The following PTPRD variants were observed in gnomAD, a reference collection of about 807,000 sequenced individuals.
PTPRD encodes receptor-type tyrosine-protein phosphatase delta.
Under a neutral mutation model 214.5 loss-of-function variants are expected in PTPRD, and 34 were observed. That is an observed-to-expected ratio of 0.16 (90% CI 0.12 to 0.21). The LOEUF (loss-of-function observed/expected upper bound fraction) is 0.21, where lower values mean the gene tolerates loss of function less well. PTPRD is among the 10% of genes least tolerant of loss of function. The probability of loss-of-function intolerance (pLI) is 1.00; values close to 1 mark genes in which losing one functional copy is unlikely to be tolerated. For missense variants in PTPRD, 2,545 were observed against 2,398.7 expected (o/e 1.06, Z -1.27); for synonymous variants, 1,128 against 845.7 (o/e 1.33, Z -5.79).
At chr9:10,106,013 C>CAAAAAAA (rs35421883) in intron 3 of PTPRD, among the ~76,000 whole-genome samples, 5 of 56,658 alleles carry the variant, frequency 8.8e-5, no homozygotes, top group Non-Finnish European at 6.7e-5. Context: ...ATCACATATT[C>CAAAAAAA]AAAAAAAAAA....
intron 3 of PTPRD, among the ~76,000 whole-genome samples, chr9:10,057,495 A>T (rs2097676286): frequency 7.5e-6 from 1 of 133,688 alleles, no homozygotes; most frequent in Admixed American, 7.5e-5. Context: ...AGGACATTAA[A>T]GAAGAAAAAA....
intron 2 of PTPRD, among the ~76,000 whole-genome samples, chr9:10,586,505 T>C (rs1183940674): frequency 1.3e-5 from 2 of 152,110 alleles, no homozygotes; most frequent in Non-Finnish European, 2.9e-5. Flanking sequence ...GGAAATTCTC[T>C]ATATAGTACC....
At chr9:9,298,804 A>G (rs1954120483) in intron 9 of PTPRD, among the ~76,000 whole-genome samples, 1 of 151,814 alleles carries the variant, frequency 6.6e-6, no homozygotes, top group Non-Finnish European at 1.5e-5. Flanking sequence ...TTAGCTGTTC[A>G]ATAGAAGTTC....
At chr9:9,672,553 T>G (rs933886502) in intron 7 of PTPRD, among the ~76,000 whole-genome samples, 12 of 152,248 alleles carry the variant, frequency 7.9e-5, no homozygotes, top group Admixed American at 5.9e-4. Flanking sequence ...AGAGATGGAA[T>G]TCCCAACCAA....
chr9:10,023,255 T>G (rs2096857674), intron 4 of PTPRD, among the ~76,000 whole-genome samples: 1 of 152,158 alleles, frequency 6.6e-6, no homozygotes, highest in Admixed American at 6.6e-5. Context: ...TCATTATAAA[T>G]TAACAGACAA....
rs781194338 is a variant in PTPRD, at chr9:8,990,304, C to T, written c.-104+28393G>A. 1.1e-4 allele frequency among the ~76,000 whole-genome samples: 17 copies of T among 152,228 alleles called. 1 individual carries two copies. Among genetic ancestry groups the T allele is most frequent in the African/African-American group, 1.2e-4 (5 of 41,540 alleles). On this transcript the variant is annotated intron_variant, in intron 11 of 45. Transcript: ENST00000381196. ...TTGTTAAATGATTCTGCATCAGTTACGTGGAATATGGTGAGATATAATCCA... is the reference window on the plus strand; with the variant it reads ...TTGTTAAATGATTCTGCATCAGTTATGTGGAATATGGTGAGATATAATCCA...
intron 5 of PTPRD, among the ~76,000 whole-genome samples, chr9:9,788,551 C>A (rs78794753): frequency 4.8e-3 from 557 of 117,214 alleles, no homozygotes; most frequent in South Asian, 6.4e-3. Context: ...AGCTCCGTCT[C>A]AAAAAAAAAA....
chr9:9,962,141 A>G (rs2094407248), intron 4 of PTPRD, among the ~76,000 whole-genome samples: 1 of 152,142 alleles, frequency 6.6e-6, no homozygotes, highest in Admixed American at 6.5e-5. Flanking sequence ...TAATGATTAA[A>G]AGAATACTGT....
At chr9:10,260,905 T>C (rs1278794017) in intron 3 of PTPRD, among the ~76,000 whole-genome samples, 1 of 151,742 alleles carries the variant, frequency 6.6e-6, no homozygotes, top group Non-Finnish European at 1.5e-5. Flanking sequence ...CTGCTCTTTC[T>C]AATTCTTGTA....
intron 2 of PTPRD, among the ~76,000 whole-genome samples, chr9:10,590,943 G>C (rs1333823055): frequency 2.0e-5 from 3 of 151,112 alleles, no homozygotes; most frequent in African/African-American, 7.3e-5. Flanking sequence ...CTGTATATAG[G>C]TTATACCTAA....
intron 7 of PTPRD, among the ~76,000 whole-genome samples, chr9:9,646,654 G>A (rs1169121888): frequency 1.3e-5 from 2 of 152,008 alleles, no homozygotes; most frequent in Non-Finnish European, 2.9e-5. Context: ...ATAAAAAATA[G>A]TAGTCCCTCT....
At chr9:10,252,869 C>T (rs1013863594) in intron 3 of PTPRD, among the ~76,000 whole-genome samples, 8 of 152,152 alleles carry the variant, frequency 5.3e-5, no homozygotes, top group South Asian at 2.1e-4. Flanking sequence ...CTGCAACCTC[C>T]GCCTCCCGGG....
chr9:9,824,431 T>C (rs1013239336), intron 5 of PTPRD, among the ~76,000 whole-genome samples: 5 of 152,168 alleles, frequency 3.3e-5, no homozygotes, highest in African/African-American at 1.2e-4. Flanking sequence ...CTACCATTCA[T>C]ACTACAATTT....
At chr9:9,587,206 A>G (rs1229823128) in intron 7 of PTPRD, among the ~76,000 whole-genome samples, 2 of 152,002 alleles carry the variant, frequency 1.3e-5, no homozygotes, top group Non-Finnish European at 2.9e-5. Flanking sequence ...TAACTTAAGG[A>G]GGCCTAAATA....
intron 9 of PTPRD, among the ~76,000 whole-genome samples, chr9:9,367,258 T>C (rs2058135020): frequency 6.6e-6 from 1 of 151,646 alleles, no homozygotes; most frequent in Non-Finnish European, 1.5e-5. Flanking sequence ...TGGAATTCAC[T>C]AGAAGTTAAC....
intron 9 of PTPRD, among the ~76,000 whole-genome samples, chr9:9,223,207 G>C (rs529362383): frequency 1.3e-5 from 2 of 151,986 alleles, no homozygotes; most frequent in Non-Finnish European, 2.9e-5. Flanking sequence ...GAGGAATAGA[G>C]CTGTGTGGGG....
intron 3 of PTPRD, among the ~76,000 whole-genome samples, chr9:10,227,529 C>A (rs539965529): frequency 6.6e-6 from 1 of 152,022 alleles, no homozygotes; most frequent in South Asian, 2.1e-4. Flanking sequence ...AATCACTTCC[C>A]TTAACTGCAT....
At chr9:10,479,782 C>CT (rs2099086037) in intron 2 of PTPRD, among the ~76,000 whole-genome samples, 1 of 152,032 alleles carries the variant, frequency 6.6e-6, no homozygotes, top group African/African-American at 2.4e-5. Flanking sequence ...GATTACACGA[C>CT]TGTACTTCAG....
chr9:9,400,540 C>A (rs1189070195), intron 8 of PTPRD, among the ~76,000 whole-genome samples: 1 of 151,852 alleles, frequency 6.6e-6, no homozygotes, highest in Non-Finnish European at 1.5e-5. Flanking sequence ...AGTTTTTTTT[C>A]AGTTCAATTA....
Sources: allele counts gnomAD v4.1 joint callset (sites outside exome capture counted in the v4.1 genomes callset), GRCh38; gene constraint gnomAD v4.1.1; transcripts MANE v1.5; gene names NCBI Gene and HGNC (gene_info 2026-07-23, HGNC 2026-07-21).